The following NR2E1 variants were observed in gnomAD, a reference collection of about 807,000 sequenced individuals.
The protein encoded by NR2E1 is nuclear receptor TLX.
A neutral mutation model predicts 43.6 loss-of-function variants in NR2E1; 5 were observed. That is an observed-to-expected ratio of 0.11 (90% CI 0.06 to 0.24). NR2E1 has a LOEUF of 0.24. NR2E1 is among the 10% of genes least tolerant of loss of function. The pLI is 1.00. For missense variants in NR2E1, 287 were observed against 496.7 expected (o/e 0.58, Z 4.01); for synonymous variants, 191 against 195.5 (o/e 0.98, Z 0.19).
Position 108,169,192 on chromosome 6 carries a change from C to T in NR2E1, c.26-2266C>T, listed in dbSNP as rs567306016. 4.4e-4 allele frequency among the ~76,000 whole-genome samples: 67 copies of T among 152,294 alleles called. No individual in the cohort carries two copies. The highest frequency in any genetic ancestry group is 1.6e-3 in the African/African-American group (67 of 41,574). On this transcript the variant is annotated intron_variant, in intron 1 of 8. Transcript: ENST00000368986. The surrounding 1 kb of genome is among the most constrained non-coding windows in gnomAD (Gnocchi z 6.1). Reference sequence around the variant, plus strand: ...CGCTATGCCCCGGAATTTTCGCGTCCCTCCCTCCTGGGCCCCGCCCCAGCC... The same window carrying T: ...CGCTATGCCCCGGAATTTTCGCGTCTCTCCCTCCTGGGCCCCGCCCCAGCC...
chr6:108,186,904 A>G (rs1198363171), intron 8 of NR2E1, among the ~76,000 whole-genome samples: 1 of 152,216 alleles, frequency 6.6e-6, no homozygotes, highest in Non-Finnish European at 1.5e-5. Flanking sequence ...AGCCTTGAGG[A>G]GTCCTTAGAA....
intron 2 of NR2E1, 87 bp from the exon 3 acceptor site, chr6:108,174,749 T>C: frequency 8.5e-7 from 1 of 1,174,338 alleles, no homozygotes; most frequent in Non-Finnish European, 1.3e-6. Context: ...AGGTCGCGCC[T>C]CCACACCGTT....
chr6:108,173,004 T>G (rs1212520555), intron 2 of NR2E1, among the ~76,000 whole-genome samples: 1 of 152,238 alleles, frequency 6.6e-6, no homozygotes, highest in East Asian at 1.9e-4. Context: ...TTTTATGCAG[T>G]GAACAGAATT....
chr6:108,176,828 G>C, intron 4 of NR2E1, 90 bp downstream of exon 4: 1 of 1,262,990 alleles, frequency 7.9e-7, no homozygotes, highest in Non-Finnish European at 1.1e-6. Flanking sequence ...TTGGGGTCAG[G>C]CAAACTGGGG....
rs1286872045 is a variant in NR2E1 at position 108,176,679 on chromosome 6, G to C, written c.436G>C (p.Ala146Pro). Reference sequence around the variant, plus strand: ...GGAGCCGCACGGCCTGGAGCTGGCCGCGGTGTCCACCACTCCAGAGCGGCA... The same window carrying C: ...GGAGCCGCACGGCCTGGAGCTGGCCCCGGTGTCCACCACTCCAGAGCGGCA... ...QLEPHGLELA[A>P]VSTTPERQTL... Residue 146 changes from alanine to proline, a missense_variant, in exon 4 of 9, where the codon GCG (alanine) becomes CCG (proline). Ala to Pro is a conservative substitution (Grantham distance 27). This residue lies in a region of NR2E1 where 119 missense variants were observed against 155.7 expected (regional missense o/e 0.76). Transcript: ENST00000368986. 8.7e-6 allele frequency: 14 copies of C among 1,600,204 alleles called. No homozygotes were observed. Among genetic ancestry groups the C allele is most frequent in the African/African-American group, 1.3e-5 (1 of 74,930 alleles).
chr6:108,167,698 G>A (rs1773732638), intron 1 of NR2E1, among the ~76,000 whole-genome samples: 1 of 152,134 alleles, frequency 6.6e-6, no homozygotes, highest in Non-Finnish European at 1.5e-5. Flanking sequence ...CAGGGTCTGA[G>A]GCTGGGGACT....
chr6:108,167,210 G>A (rs1773724641), intron 1 of NR2E1, among the ~76,000 whole-genome samples: 1 of 152,180 alleles, frequency 6.6e-6, no homozygotes, highest in Non-Finnish European at 1.5e-5. Context: ...GATTTTGAAT[G>A]GAATGCTTTG....
chr6:108,181,635 A>G lies in NR2E1; in HGVS notation c.979A>G (p.Ser327Gly). 3.1e-6 allele frequency: 5 copies of G among 1,614,128 alleles called. No homozygotes were observed. Among genetic ancestry groups the G allele is most frequent in the Non-Finnish European group, 4.2e-6 (5 of 1,179,934 alleles). ...AGATGAGGCTCAGCTAACGCTCAAC[A>G]GCTACATCCATACCAGGTGACCCTT... is the stretch of plus-strand genomic sequence containing the variant. ...LQDEAQLTLN[S>G]YIHTRYPTQP... is the part of the protein sequence containing the mutation. The change falls in exon 8 of 9, where the codon AGC (serine) becomes GGC (glycine). Residue 327 changes from serine (S) to glycine (G), a missense_variant. Coordinates refer to ENST00000368986, the MANE Select transcript of NR2E1 (RefSeq NM_003269.5).
intron 1 of NR2E1, among the ~76,000 whole-genome samples, chr6:108,171,148 G>A (rs1773804920): frequency 1.3e-5 from 2 of 152,190 alleles, no homozygotes; most frequent in African/African-American, 4.8e-5. Context: ...AAAGGCAGTG[G>A]AGGGCCGCAC....
intron 8 of NR2E1, among the ~76,000 whole-genome samples, chr6:108,186,983 T>G (rs1172886867): frequency 6.6e-6 from 1 of 152,236 alleles, no homozygotes; most frequent in Non-Finnish European, 1.5e-5. Flanking sequence ...ATGGAAACCT[T>G]AAATTTATTA....
rs1217872568 is a variant in NR2E1 at position 108,187,157 on chromosome 6, T to G, written c.996-144T>G. On this transcript the variant is annotated intron_variant, in intron 8 of 8. Coordinates refer to ENST00000368986, the MANE Select transcript of NR2E1 (RefSeq NM_003269.5). The stretch of plus-strand genomic sequence containing the variant: ...CCTGCAAAACGGGGACAACAGTGCC[T>G]GTCCAGAACTTTGCTGCAGGGATAC... 5.2e-6 allele frequency: 5 copies of G among 963,740 alleles called. No individual in the cohort carries two copies. In the African/African-American group the frequency reaches 8.1e-5, roughly 16 times the overall value. 59.7% of individuals were successfully genotyped at this position (963,740 alleles called of 1,614,324 possible). A position where few individuals can be genotyped will look rare whatever the true frequency, so the allele number is the denominator to read the frequency against.
chr6:108,176,597 G>T lies in NR2E1; in HGVS notation c.354G>T (p.Ala118=), dbSNP rs779348835. The change falls in exon 4 of 9, where the codon GCG becomes GCT. Residue 118 remains alanine, a synonymous_variant. Transcript: ENST00000368986. ...ACAAGGAGGAGAACGGGGCCGCCGCGCACTTTCCCTCGGCGGCGCTCCCTG... is the reference window on the plus strand; with the variant it reads ...ACAAGGAGGAGAACGGGGCCGCCGCTCACTTTCCCTCGGCGGCGCTCCCTG... ...RGHKEENGAA[A]HFPSAALPAP... is the part of the protein sequence containing the mutation. 1 of 1,612,708 alleles carries T rather than the reference G, an allele frequency of 6.2e-7. No homozygotes were observed. Among genetic ancestry groups the T allele is most frequent in the Non-Finnish European group, 8.5e-7 (1 of 1,179,886 alleles).
chr6:108,172,905 A>G (rs1270807495), intron 2 of NR2E1, among the ~76,000 whole-genome samples: 2 of 152,230 alleles, frequency 1.3e-5, no homozygotes, highest in African/African-American at 2.4e-5. Context: ...TTTTACACGC[A>G]TAGGACTGTA....
chr6:108,166,739 C>A lies in NR2E1; in HGVS notation c.-27C>A. The A allele has an allele frequency of 6.4e-7, 1 of 1,552,402 alleles. No homozygotes were observed. The highest frequency in any genetic ancestry group is 8.7e-7 in the Non-Finnish European group (1 of 1,154,246). ...CGGCCGGGACTCGGGCAGCGCCCAC[C>A]AACCGCTCCGCCCCGGGACAGCCAG... On this transcript the variant is annotated 5_prime_UTR_variant, in exon 1 of 9. Transcript: ENST00000368986. This position sits in a 1 kb window ranked among gnomAD's most constrained non-coding sequence, Gnocchi z 7.2.
At chr6:108,179,048 A>T (rs2114678396) in intron 5 of NR2E1, 1 of 152,456 alleles carries the variant, frequency 6.6e-6, no homozygotes, top group African/African-American at 2.4e-5. Context: ...CCAAAGGCTA[A>T]TAAGTAGTTC....
chr6:108,171,222 A>C (rs1353798086), intron 1 of NR2E1, among the ~76,000 whole-genome samples: 2 of 152,220 alleles, frequency 1.3e-5, no homozygotes, highest in African/African-American at 4.8e-5. Flanking sequence ...AAGAGAACCA[A>C]ATACATGTAG....
intron 8 of NR2E1, among the ~76,000 whole-genome samples, chr6:108,182,421 C>T (rs1774007345): frequency 6.6e-6 from 1 of 151,934 alleles, no homozygotes; most frequent in African/African-American, 2.4e-5. Flanking sequence ...CTCTGTTGCC[C>T]AGGCTGGAAG....
Position 108,166,645 on chromosome 6 carries a change from C to A in NR2E1, c.-121C>A. ...GCGCGCGACTGACACCCACCTGTCC[C>A]GCCCAGGAGCCTTGCAGGCTGGAGG... On this transcript the variant is annotated 5_prime_UTR_variant, in exon 1 of 9. Transcript: ENST00000368986. This position sits in a 1 kb window ranked among gnomAD's most constrained non-coding sequence, Gnocchi z 7.2. The A allele has an allele frequency of 1.3e-6, 1 of 777,076 alleles. No individual in the cohort carries two copies. The allele number at this position is 777,076 out of a possible 1,614,324, so 48.1% of individuals were successfully genotyped here.
chr6:108,179,492 CTGTGTGTGTGTGTG>C lies in NR2E1; in HGVS notation c.643-803_643-790del, dbSNP rs34907033. Among the ~76,000 whole-genome samples the C allele has an allele frequency of 6.1e-5, 8 of 131,346 alleles. No individual in the cohort carries two copies. The South Asian group carries it at 8.1e-4, about 13-fold the overall frequency. 86.2% of individuals were successfully genotyped at this position (131,346 alleles called of 152,430 possible). On this transcript the variant is annotated intron_variant, in intron 5 of 8. Coordinates refer to ENST00000368986, the MANE Select transcript of NR2E1 (RefSeq NM_003269.5). ...TTTACTGGTTAGCTCTAACCACTTC[CTGTGTGTGTGTGTG>C]TGTGTGTGTGTGTGTGTGTGTGTGT...
Sources: allele counts gnomAD v4.1 joint callset (sites outside exome capture counted in the v4.1 genomes callset), GRCh38; gene constraint gnomAD v4.1.1; regional missense constraint gnomAD v4.1.1; non-coding constraint Gnocchi (gnomAD v3.1); transcripts MANE v1.5; gene names NCBI Gene and HGNC (gene_info 2026-07-23, HGNC 2026-07-21).